CORO1B: variants seen among roughly 807,000 people sequenced by gnomAD.
CORO1B encodes the protein coronin-1B.
A neutral mutation model predicts 51.1 loss-of-function variants in CORO1B; 30 were observed. That is an observed-to-expected ratio of 0.59 (90% confidence interval 0.44 to 0.80). CORO1B has a LOEUF of 0.80. Among genes scored for constraint, CORO1B ranks in the 30% least tolerant of loss-of-function variants. CORO1B has a pLI of 0.00. For missense variants in CORO1B, 648 were observed against 700.4 expected (o/e 0.93, Z 0.84); for synonymous variants, 310 against 289.7 (o/e 1.07, Z -0.71).
Position 67,442,554 on chromosome 11 carries a change from G to C in CORO1B, c.75C>G (p.Cys25Trp), listed in dbSNP as rs772328020. Residue 25 changes from cysteine to tryptophan, a missense_variant, in exon 2 of 11, where the codon TGC (cysteine) becomes TGG (tryptophan). Physicochemically the swap from Cys to Trp is radical, Grantham distance 215. Transcript: ENST00000341356. ...VFGQPVKNDQ[C>W]YEDIRVSRVT... ...CACGGGACACGCGAATGTCCTCATA[G>C]CACTGGTCGTTCTTGACCGGCTGCC... 2.5e-5 allele frequency: 40 copies of C among 1,613,862 alleles called. 1 individual carries two copies. In the South Asian group the frequency reaches 4.4e-4, roughly 18 times the overall value.
rs763068547 is a variant in CORO1B at position 67,439,863 on chromosome 11, C to A, written c.1008-20G>T. ...TAGAACCTGGGGATGCAAGGAGGAG[C>A]CACGGGTGGAACCCTCACCGCCCCC... On this transcript the variant is annotated intron_variant, in intron 8 of 10. Coordinates refer to ENST00000341356, the MANE Select transcript of CORO1B (RefSeq NM_020441.3). The A allele has an allele frequency of 1.3e-6, 2 of 1,562,818 alleles. No individual in the cohort carries two copies. The highest frequency in any genetic ancestry group is 2.3e-5 in the East Asian group (1 of 42,612).
rs913109733 is a variant in CORO1B, at chr11:67,441,130, C to T, written c.751G>A (p.Asp251Asn). Residue 251 changes from aspartate to asparagine, a missense_variant, in exon 6 of 11, where the codon GAC becomes AAC. Coordinates refer to ENST00000341356, the MANE Select transcript of CORO1B (RefSeq NM_020441.3). ...CCCTCAGGCTGGCCACTCACTGGGTCCCAGAGCGCCAGCTGCCGCTCGCTC... is the reference window on the plus strand; with the variant it reads ...CCCTCAGGCTGGCCACTCACTGGGTTCCAGAGCGCCAGCTGCCGCTCGCTC... ...RMSERQLALWDPENLEEPMAL... is the reference protein window; with the variant it reads ...RMSERQLALWNPENLEEPMAL... 2 of 1,612,982 alleles carry T rather than the reference C, an allele frequency of 1.2e-6. No individual in the cohort carries two copies. Among genetic ancestry groups the T allele is most frequent in the Non-Finnish European group, 1.7e-6 (2 of 1,179,992 alleles).
chr11:67,438,159 G>A lies in CORO1B; in HGVS notation c.*217C>T. On this transcript the variant is annotated 3_prime_UTR_variant, in exon 11 of 11. Transcript: ENST00000341356. ...GTGGTCGGGGAGATGGTCCCTCAGA[G>A]GTCGAGGAGCTCGCCTGGGCGTAGA... The A allele has an allele frequency of 1.9e-6, 1 of 517,270 alleles. No homozygotes were observed. The highest frequency in any genetic ancestry group is 3.3e-6 in the Non-Finnish European group (1 of 302,948). 32.0% of individuals were successfully genotyped at this position (517,270 alleles called of 1,614,324 possible).
intron 6 of CORO1B, 55 bp downstream of exon 6, chr11:67,441,070 C>T: frequency 6.2e-7 from 1 of 1,612,056 alleles, no homozygotes; most frequent in Non-Finnish European, 8.5e-7. Context: ...CCCTGCCTGC[C>T]TGGCCCAGGG....
At chr11:67,441,916 C>T in intron 3 of CORO1B, 50 bp downstream of exon 3, 4 of 1,613,024 alleles carry the variant, frequency 2.5e-6, no homozygotes, top group African/African-American at 1.3e-5. Context: ...CTATTGCTGG[C>T]CCCCTTCGGC....
chr11:67,443,399 C>CT lies in CORO1B; in HGVS notation c.-3+4dup. ...CGCCCCTAGCCCCGGCCCTGCCGCG[C>CT]TCACCGGGGGCACCGGGGGCGCAGG... is the stretch of plus-strand genomic sequence containing the variant. On this transcript the variant is annotated splice_donor_region_variant and intron_variant, in intron 1 of 10. Coordinates refer to ENST00000341356, the MANE Select transcript of CORO1B (RefSeq NM_020441.3). The CT allele has an allele frequency of 1.1e-6, 1 of 944,878 alleles. No homozygotes were observed. The highest frequency in any genetic ancestry group is 1.3e-6 in the Non-Finnish European group (1 of 792,670). 58.5% of individuals were successfully genotyped at this position (944,878 alleles called of 1,614,324 possible). A position where few individuals can be genotyped will look rare whatever the true frequency, so the allele number is the denominator to read the frequency against.
chr11:67,440,885 T>C, intron 6 of CORO1B: 5 of 657,870 alleles, frequency 7.6e-6, no homozygotes, highest in Non-Finnish European at 1.4e-5. Flanking sequence ...GAAGGGCCCT[T>C]CCGTTGGCAT....
chr11:67,441,027 G>A, intron 6 of CORO1B, 98 bp downstream of exon 6: 1 of 1,567,956 alleles, frequency 6.4e-7, no homozygotes, highest in Non-Finnish European at 8.7e-7. Flanking sequence ...TCCAGGCAGA[G>A]AAGCTAGGAA....
At chr11:67,440,876 A>G in intron 6 of CORO1B, 1 of 657,322 alleles carries the variant, frequency 1.5e-6, no homozygotes, top group Non-Finnish European at 2.7e-6. Flanking sequence ...CAAGGGAGAG[A>G]AGGGCCCTTC....
At position 67,438,667 on chromosome 11, in the gene CORO1B, A is replaced by G. The variant is rs1373366815; in HGVS notation, c.1344+4T>C. The G allele has an allele frequency of 6.5e-7, 1 of 1,533,416 alleles. No homozygotes were observed. Among genetic ancestry groups the G allele is most frequent in the Admixed American group, 2.0e-5 (1 of 51,158 alleles). 95.0% of individuals were successfully genotyped at this position (1,533,416 alleles called of 1,614,324 possible). A position where few individuals can be genotyped will look rare whatever the true frequency, so the allele number is the denominator to read the frequency against. On this transcript the variant is annotated splice_donor_region_variant and intron_variant, in intron 10 of 10. Transcript: ENST00000341356. ...CAGCACCACCCCTGCCTGCGCGTGC[A>G]TACCCCGGCTCTGGCCAGGCTGCCG...
rs574499486 is a variant in CORO1B at position 67,435,565 on chromosome 11, G to T, written c.*2811C>A. On this transcript the variant is annotated 3_prime_UTR_variant, in exon 11 of 11. Coordinates refer to ENST00000341356, the MANE Select transcript of CORO1B (RefSeq NM_020441.3). ...TTGCCTGATGCCTGTGGTTGGGGGG[G>T]GCCGTTCCCGTGGTGAGCGGGGTAC... is the stretch of plus-strand genomic sequence containing the variant. 11 of 1,027,508 alleles carry T rather than the reference G, an allele frequency of 1.1e-5. No individual in the cohort carries two copies. The highest frequency in any genetic ancestry group is 1.8e-5 in the South Asian group (1 of 55,112). The allele number at this position is 1,027,508 out of a possible 1,614,324, so 63.6% of individuals were successfully genotyped here. A position where few individuals can be genotyped will look rare whatever the true frequency, so the allele number is the denominator to read the frequency against.
chr11:67,441,860 C>T lies in CORO1B; in HGVS notation c.327G>A (p.Val109=), dbSNP rs779400132. Residue 109 remains valine (V), a splice_region_variant and synonymous_variant, in exon 4 of 11, where the codon GTG becomes GTA. Transcript: ENST00000341356. ...ASGSEDCTVM[V]WQIPENGLTS... ...TCAGCCCGTTCTCTGGGATCTGCCA[C>T]ACCTGTGGTAGGGACAGGGCCACCG... The T allele has an allele frequency of 6.8e-6, 11 of 1,613,140 alleles. No individual in the cohort carries two copies. Among genetic ancestry groups the T allele is most frequent in the Non-Finnish European group, 9.3e-6 (11 of 1,180,010 alleles).
chr11:67,438,244 G>T lies in CORO1B; in HGVS notation c.*132C>A. ...CTGGCTTCGGCCTGGGCCTGGGACG[G>T]GTGGGGGTGGGAACTGACCCCTGCG... On this transcript the variant is annotated 3_prime_UTR_variant, in exon 11 of 11. Coordinates refer to ENST00000341356, the MANE Select transcript of CORO1B (RefSeq NM_020441.3). 1.7e-6 allele frequency: 2 copies of T among 1,159,958 alleles called. No individual in the cohort carries two copies. Among genetic ancestry groups the T allele is most frequent in the Non-Finnish European group, 2.4e-6 (2 of 832,220 alleles). The allele number at this position is 1,159,958 out of a possible 1,614,324, so 71.9% of individuals were successfully genotyped here.
chr11:67,438,308 G>C lies in CORO1B; in HGVS notation c.*68C>G. The C allele has an allele frequency of 6.5e-7, 1 of 1,541,866 alleles. No homozygotes were observed. Among genetic ancestry groups the C allele is most frequent in the Admixed American group, 1.8e-5 (1 of 56,546 alleles). ...TCTGGGCAGCCAGCTAGCCCGGTGCGACCCGCTGGCAGAAGCTGAGTGGGA... is the reference window on the plus strand; with the variant it reads ...TCTGGGCAGCCAGCTAGCCCGGTGCCACCCGCTGGCAGAAGCTGAGTGGGA... On this transcript the variant is annotated 3_prime_UTR_variant, in exon 11 of 11. Coordinates refer to ENST00000341356, the MANE Select transcript of CORO1B (RefSeq NM_020441.3).
chr11:67,441,792 G>T lies in CORO1B; in HGVS notation c.395C>A (p.Thr132Asn). The change falls in exon 4 of 11, where the codon ACC (threonine) becomes AAC (asparagine). Residue 132 changes from threonine (T) to asparagine (N), a missense_variant. By Grantham distance (65) the Thr-to-Asn change is moderately conservative. Transcript: ENST00000341356. ...CCAGGCGATGATGCCCACTCGCTTG[G>T]TGTGCCCCTCCAGTACCACCACCGG... is the stretch of plus-strand genomic sequence containing the variant. ...TEPVVVLEGH[T>N]KRVGIIAWHP... 6.2e-7 allele frequency: 1 copy of T among 1,613,038 alleles called. No homozygotes were observed. Among genetic ancestry groups the T allele is most frequent in the South Asian group, 1.1e-5 (1 of 91,082 alleles).
At position 67,441,954 on chromosome 11, in the gene CORO1B, C is replaced by A. The variant is rs1184499629; in HGVS notation, c.324+12G>T. On this transcript the variant is annotated intron_variant, in intron 3 of 10. Coordinates refer to ENST00000341356, the MANE Select transcript of CORO1B (RefSeq NM_020441.3). ...CACCCACGACCCTGGCCCAGCCAGTCCTGTGCCTCACCATGACCGTGCAGT... is the reference window on the plus strand; with the variant it reads ...CACCCACGACCCTGGCCCAGCCAGTACTGTGCCTCACCATGACCGTGCAGT... 11 of 1,612,998 alleles carry A rather than the reference C, an allele frequency of 6.8e-6. No homozygotes were observed. Among genetic ancestry groups the A allele is most frequent in the Non-Finnish European group, 8.5e-6 (10 of 1,180,002 alleles).
intron 9 of CORO1B, among the ~76,000 whole-genome samples, 161 bp from the exon 10 acceptor site, chr11:67,439,110 C>T (rs2135141756): frequency 6.6e-6 from 1 of 152,364 alleles, no homozygotes; most frequent in East Asian, 1.9e-4. Flanking sequence ...CCATCAACAG[C>T]TCCCTCGGAA....
Position 67,441,836 on chromosome 11 carries a change from C to T in CORO1B, c.351G>A (p.Leu117=). Residue 117 remains leucine (L), a synonymous_variant, in exon 4 of 11, where the codon CTG becomes CTA. Transcript: ENST00000341356. ...CCACCGGCTCTGTCAGCGGGGAGGT[C>T]AGCCCGTTCTCTGGGATCTGCCACA... is the stretch of plus-strand genomic sequence containing the variant. The part of the protein sequence containing the change: ...VMVWQIPENG[L]TSPLTEPVVV... 1.9e-6 allele frequency: 3 copies of T among 1,613,178 alleles called. No homozygotes were observed. Among genetic ancestry groups the T allele is most frequent in the Non-Finnish European group, 2.5e-6 (3 of 1,179,970 alleles).
chr11:67,442,778 G>T, intron 1 of CORO1B, 148 bp from the exon 2 acceptor site: 1 of 755,266 alleles, frequency 1.3e-6, no homozygotes, highest in Non-Finnish European at 2.1e-6. Flanking sequence ...ACAGAATGGG[G>T]TCACAGGTGC....
Sources: gnomAD v4.1 joint callset for allele counts (sites outside exome capture counted in the v4.1 genomes callset) on GRCh38, gnomAD v4.1.1 for gene constraint, MANE v1.5 for transcripts, NCBI Gene and HGNC (gene_info 2026-07-23, HGNC 2026-07-21) for gene names.